CNTNAP2: variants seen among roughly 807,000 people sequenced by gnomAD.
The protein encoded by CNTNAP2 is contactin associated protein 2.
CNTNAP2 carries 98 observed loss-of-function variants against 155.2 expected under a neutral mutation model. The ratio of observed to expected loss-of-function variants is 0.63; its 90% CI spans 0.54 to 0.75. CNTNAP2 has a LOEUF of 0.75. Ranked by LOEUF, CNTNAP2 falls within the 30% of genes least tolerant of loss-of-function variation. The probability of loss-of-function intolerance (pLI) is 0.00; values close to 1 mark genes in which losing one functional copy is unlikely to be tolerated. For missense variants in CNTNAP2, 1,727 were observed against 1,688.1 expected (o/e 1.02, Z -0.40); for synonymous variants, 651 against 631.2 (o/e 1.03, Z -0.47).
Position 148,198,348 on chromosome 7 carries a change from T to C in CNTNAP2, c.3011-18940T>C, listed in dbSNP as rs541287558. Among the ~76,000 whole-genome samples the C allele has an allele frequency of 3.9e-5, 6 of 152,358 alleles. No individual in the cohort carries two copies. In the East Asian group the frequency reaches 1.2e-3, roughly 29 times the overall value. On this transcript the variant is annotated intron_variant, in intron 18 of 23. Transcript: ENST00000361727. ...GTGTGAGAAGTTTCATAAAGGTTGA[T>C]GGCGATTGTGACCATGTGACCTGTG...
intron 21 of CNTNAP2, among the ~76,000 whole-genome samples, chr7:148,368,948 C>A (rs1637862): frequency 0.34 from 51,708 of 151,934 alleles, 9,215 homozygotes; most frequent in Non-Finnish European, 0.39. Flanking sequence ...GGCCTGGTTT[C>A]GGGTCTGGTT....
At chr7:147,782,712 A>G (rs1314723782) in intron 13 of CNTNAP2, among the ~76,000 whole-genome samples, 1 of 152,142 alleles carries the variant, frequency 6.6e-6, no homozygotes, top group African/African-American at 2.4e-5. Context: ...TTTTGAGGGG[A>G]CACAAAAATT....
At chr7:147,775,279 TTATAA>T (rs1797550017) in intron 13 of CNTNAP2, among the ~76,000 whole-genome samples, 1 of 100,664 alleles carries the variant, frequency 9.9e-6, no homozygotes, top group African/African-American at 3.9e-5. Flanking sequence ...ATATATATAT[TTATAA>T]ATATATATAT....
chr7:146,705,828 C>A (rs1471098187), intron 1 of CNTNAP2, among the ~76,000 whole-genome samples: 2 of 152,074 alleles, frequency 1.3e-5, no homozygotes, highest in Non-Finnish European at 2.9e-5. Flanking sequence ...GCACTTGACA[C>A]ATAGGGATTA....
intron 3 of CNTNAP2, among the ~76,000 whole-genome samples, chr7:146,928,952 G>A (rs935481487): frequency 3.9e-4 from 60 of 152,354 alleles, no homozygotes; most frequent in Middle Eastern, 3.4e-3. Context: ...ACTGGGTGGA[G>A]CCCACCACAG....
chr7:147,029,645 A>G (rs1798990874), intron 3 of CNTNAP2, among the ~76,000 whole-genome samples: 1 of 151,866 alleles, frequency 6.6e-6, no homozygotes, highest in Non-Finnish European at 1.5e-5. Context: ...TAGCTCTTCT[A>G]TATTTTGAAG....
Position 147,952,255 on chromosome 7 carries a change from C to A in CNTNAP2, c.2256-25607C>A, listed in dbSNP as rs1429918887. Among the ~76,000 whole-genome samples, 8 of 42,682 alleles carry A rather than the reference C, an allele frequency of 1.9e-4. 3 individuals are homozygous for A. Among genetic ancestry groups the A allele is most frequent in the Non-Finnish European group, 6.0e-4 (8 of 13,250 alleles). The allele number at this position is 42,682 out of a possible 152,430, so 28.0% of individuals were successfully genotyped here. Reference sequence around the variant, plus strand: ...GTTGGGAGTTTGAGACCAGCCTGAACAACACGGAGAAACCCCATCTCTACT... The same window carrying A: ...GTTGGGAGTTTGAGACCAGCCTGAAAAACACGGAGAAACCCCATCTCTACT... On this transcript the variant is annotated intron_variant, in intron 14 of 23. Transcript: ENST00000361727.
chr7:146,518,680 CA>C (rs1489053694), intron 1 of CNTNAP2, among the ~76,000 whole-genome samples: 1 of 151,698 alleles, frequency 6.6e-6, no homozygotes, highest in African/African-American at 2.4e-5. Flanking sequence ...CAGAGTGTAT[CA>C]TATACAGTTG....
rs36231370 is a variant in CNTNAP2 at position 146,885,928 on chromosome 7, G to GGTGTGTGT, written c.402+46063_402+46070dup. ...CTTTAACTCTGAATATATGTAAGTC[G>GGTGTGTGT]GTGTGTGTGTGTGTGTGTGTGTGTG... On this transcript the variant is annotated intron_variant, in intron 3 of 23. Transcript: ENST00000361727. Among the ~76,000 whole-genome samples the GGTGTGTGT allele has an allele frequency of 9.2e-5, 13 of 141,942 alleles. No individual in the cohort carries two copies. The South Asian group carries it at 9.2e-4, about 10-fold the overall frequency. 93.1% of individuals were successfully genotyped at this position (141,942 alleles called of 152,430 possible). A position where few individuals can be genotyped will look rare whatever the true frequency, so the allele number is the denominator to read the frequency against.
At chr7:147,184,968 A>T (rs1802533815) in intron 8 of CNTNAP2, among the ~76,000 whole-genome samples, 1 of 152,178 alleles carries the variant, frequency 6.6e-6, no homozygotes, top group Non-Finnish European at 1.5e-5. Context: ...CCATGTAAAT[A>T]CTGTCTATAT....
chr7:146,376,331 T>G (rs28535116), intron 1 of CNTNAP2, among the ~76,000 whole-genome samples: 19,742 of 152,142 alleles, frequency 0.13, 3,287 homozygotes, highest in African/African-American at 0.38. Flanking sequence ...ATCTATTCGT[T>G]ACCTTTGTTC....
chr7:148,410,454 C>A (rs6953377), intron 23 of CNTNAP2, among the ~76,000 whole-genome samples: 86,561 of 150,708 alleles, frequency 0.57, 25,452 homozygotes, highest in African/African-American at 0.66. Flanking sequence ...GTAATCCCAG[C>A]TACTCGGGAG....
chr7:147,269,656 T>G (rs1197795647), intron 8 of CNTNAP2, among the ~76,000 whole-genome samples: 6 of 152,180 alleles, frequency 3.9e-5, no homozygotes, highest in African/African-American at 1.4e-4. Context: ...CAATCAAGAT[T>G]TTCCCGAGCA....
intron 3 of CNTNAP2, among the ~76,000 whole-genome samples, chr7:146,879,436 A>G (rs1394627017): frequency 2.6e-5 from 4 of 152,108 alleles, no homozygotes; most frequent in Admixed American, 2.6e-4. Flanking sequence ...ACAACTTTAT[A>G]TTGTTCTCTT....
chr7:147,740,072 A>G (rs1447888572), intron 13 of CNTNAP2, among the ~76,000 whole-genome samples: 1 of 152,122 alleles, frequency 6.6e-6, no homozygotes, highest in Non-Finnish European at 1.5e-5. Flanking sequence ...GTCTTTCTCC[A>G]GGCATCCACA....
chr7:147,467,877 A>T (rs902260195), intron 10 of CNTNAP2, among the ~76,000 whole-genome samples: 25 of 151,660 alleles, frequency 1.6e-4, no homozygotes, highest in Non-Finnish European at 2.5e-4. Flanking sequence ...AAAAAATTTT[A>T]AAAATCAGCC....
intron 12 of CNTNAP2, among the ~76,000 whole-genome samples, chr7:147,610,213 C>A (rs1801155907): frequency 6.6e-6 from 1 of 152,080 alleles, no homozygotes; most frequent in Non-Finnish European, 1.5e-5. Context: ...AAATCCTAGG[C>A]AATATTGTAA....
At chr7:146,327,565 G>T (rs1481226824) in intron 1 of CNTNAP2, among the ~76,000 whole-genome samples, 3 of 152,212 alleles carry the variant, frequency 2.0e-5, no homozygotes, top group African/African-American at 7.2e-5. Context: ...CATCTAGCAA[G>T]CAGTCCATAC....
chr7:146,601,726 A>G (rs1798952706), intron 1 of CNTNAP2, among the ~76,000 whole-genome samples: 1 of 152,092 alleles, frequency 6.6e-6, no homozygotes, highest in Admixed American at 6.5e-5. Context: ...AGTCTCAATA[A>G]ATAGAACAGT....
Sources: gnomAD v4.1 joint callset for allele counts (sites outside exome capture counted in the v4.1 genomes callset) on GRCh38, gnomAD v4.1.1 for gene constraint, MANE v1.5 for transcripts, NCBI Gene and HGNC (gene_info 2026-07-23, HGNC 2026-07-21) for gene names.